Variants in ANO1 observed in about 807,000 individuals in gnomAD.
The protein encoded by ANO1 is anoctamin-1.
Under a neutral mutation model 124.0 loss-of-function variants are expected in ANO1, and 59 were observed. The observed-to-expected ratio is 0.48, with a 90% CI of 0.39 to 0.59. The LOEUF (loss-of-function observed/expected upper bound fraction) is 0.59, where lower values mean the gene tolerates loss of function less well. ANO1 is among the 20% of genes least tolerant of loss of function. The pLI is 0.00. For missense variants in ANO1, 1,059 were observed against 1,328.0 expected, an observed-to-expected ratio of 0.80 and a Z score of 3.15; for synonymous variants, 529 against 532.0, an observed-to-expected ratio of 0.99 and a Z score of 0.08.
Position 70,184,453 on chromosome 11 carries a change from G to A in ANO1, c.2589-1137G>A, listed in dbSNP as rs117538597. On this transcript the variant is annotated intron_variant, in intron 24 of 25. Coordinates refer to ENST00000355303, the MANE Select transcript of ANO1 (RefSeq NM_018043.7). ...CAGTGGCAGGACCTTGGGGAGAGGG[G>A]TGTGAGTGAGCTTGACTCTCCAAGC... is the stretch of plus-strand genomic sequence containing the variant. Among the ~76,000 whole-genome samples, 380 of 152,240 alleles carry A rather than the reference G, an allele frequency of 2.5e-3. 4 individuals carry two copies. The East Asian group carries it at 0.028, about 11-fold the overall frequency.
At chr11:70,162,882 G>A (rs998092805) in intron 18 of ANO1, among the ~76,000 whole-genome samples, 13 of 152,234 alleles carry the variant, frequency 8.5e-5, no homozygotes, top group Admixed American at 6.5e-4. Context: ...GCTGCCCAAG[G>A]TCCCCAGAGT....
intron 1 of ANO1, among the ~76,000 whole-genome samples, chr11:70,081,190 G>T (rs1276589039): frequency 6.6e-6 from 1 of 152,214 alleles, no homozygotes; most frequent in Non-Finnish European, 1.5e-5. Context: ...GATATAAGAA[G>T]AAATGACTTG....
intron 1 of ANO1, among the ~76,000 whole-genome samples, chr11:69,991,200 CAA>C (rs782471615): frequency 6.6e-6 from 1 of 152,192 alleles, no homozygotes; most frequent in East Asian, 1.9e-4. Context: ...TGTTTCAGCA[CAA>C]TTTGTTGAAA....
intron 1 of ANO1, among the ~76,000 whole-genome samples, chr11:69,990,147 C>A (rs1000772064): frequency 5.3e-5 from 8 of 152,268 alleles, no homozygotes; most frequent in Non-Finnish European, 8.8e-5. Context: ...TCCCATTCCC[C>A]ACCCCGCCCT....
At chr11:70,132,377 C>G (rs2046792361) in intron 11 of ANO1, among the ~76,000 whole-genome samples, 1 of 152,118 alleles carries the variant, frequency 6.6e-6, no homozygotes, top group South Asian at 2.1e-4. Context: ...TGAAGGGCAG[C>G]TGATTTAGAG....
intron 19 of ANO1, among the ~76,000 whole-genome samples, chr11:70,163,923 G>A: frequency 6.7e-6 from 1 of 149,390 alleles, no homozygotes; most frequent in Non-Finnish European, 1.5e-5. Context: ...GGGTGACAGA[G>A]CAAGGAACCA....
At chr11:70,097,854 G>T (rs2045071214) in intron 2 of ANO1, among the ~76,000 whole-genome samples, 1 of 152,188 alleles carries the variant, frequency 6.6e-6, no homozygotes, top group Non-Finnish European at 1.5e-5. Flanking sequence ...CCGTCCTAGG[G>T]ATACATCAGT....
chr11:70,086,716 G>T (rs1446468864), intron 1 of ANO1, among the ~76,000 whole-genome samples: 1 of 152,230 alleles, frequency 6.6e-6, no homozygotes, highest in Non-Finnish European at 1.5e-5. Context: ...AGTGGGATGT[G>T]CCCTTCAAGG....
chr11:70,049,004 T>C (rs1193876191), intron 1 of ANO1, among the ~76,000 whole-genome samples: 2 of 152,130 alleles, frequency 1.3e-5, no homozygotes, highest in African/African-American at 4.8e-5. Context: ...ACAAGCAGGA[T>C]GCGTTTTCTT....
At position 70,010,179 on chromosome 11, in the gene ANO1, G is replaced by GTATGTGTGTGTGTATATATATATATA. The variant is rs1188271051; in HGVS notation, c.58+24016_58+24017insGTGTGTGTGTATATATATATATATAT. Among the ~76,000 whole-genome samples, 182 of 83,802 alleles carry GTATGTGTGTGTGTATATATATATATA rather than the reference G, an allele frequency of 2.2e-3. 15 individuals carry two copies. Among genetic ancestry groups the GTATGTGTGTGTGTATATATATATATA allele is most frequent in the South Asian group, 0.011 (23 of 2,110 alleles). 55.0% of individuals were successfully genotyped at this position (83,802 alleles called of 152,430 possible). On this transcript the variant is annotated intron_variant, in intron 1 of 27. Transcript: ENST00000531349. Reference sequence around the variant, plus strand: ...TGTGTGTGTGTGCGCGTGTGTGTGTGTATATATATATATATATATCACATT... The same window carrying GTATGTGTGTGTGTATATATATATATA: ...TGTGTGTGTGTGCGCGTGTGTGTGTGTATGTGTGTGTGTATATATATATATATATATATATATATATATATCACATT...
At chr11:70,109,389 G>A (rs7131568) in intron 6 of ANO1, among the ~76,000 whole-genome samples, 20,664 of 152,084 alleles carry the variant, frequency 0.14, 1,496 homozygotes, top group South Asian at 0.24. Flanking sequence ...CTTGGCCCCA[G>A]ACCATATGGC....
At chr11:69,987,488 A>C (rs2120278922) in intron 1 of ANO1, among the ~76,000 whole-genome samples, 1 of 152,072 alleles carries the variant, frequency 6.6e-6, no homozygotes, top group East Asian at 1.9e-4. Flanking sequence ...ATTAGAACGG[A>C]GGCCTGTTGT....
intron 1 of ANO1, among the ~76,000 whole-genome samples, chr11:70,070,173 A>G (rs1219399383): frequency 2.6e-5 from 4 of 151,520 alleles, no homozygotes; most frequent in Non-Finnish European, 5.9e-5. Flanking sequence ...AATTCTGTGC[A>G]TTTTTCTAGG....
intron 1 of ANO1, among the ~76,000 whole-genome samples, chr11:70,006,420 C>T (rs950621112): frequency 3.3e-5 from 5 of 152,064 alleles, no homozygotes; most frequent in Non-Finnish European, 7.4e-5. Context: ...GGGGTGGGCG[C>T]GCCCAGGCTG....
At chr11:70,107,215 C>T (rs571362839) in intron 5 of ANO1, among the ~76,000 whole-genome samples, 63 of 152,188 alleles carry the variant, frequency 4.1e-4, no homozygotes, top group East Asian at 1.4e-3. Context: ...ATGTATTGGG[C>T]ACCTGCTGGG....
At chr11:70,094,798 A>G (rs1190147693) in intron 2 of ANO1, among the ~76,000 whole-genome samples, 1 of 152,208 alleles carries the variant, frequency 6.6e-6, no homozygotes, top group Non-Finnish European at 1.5e-5. Flanking sequence ...TTTGGTCCCT[A>G]AAGATTTTAT....
intron 2 of ANO1, among the ~76,000 whole-genome samples, chr11:70,091,120 C>G (rs929315161): frequency 1.1e-4 from 17 of 152,268 alleles, no homozygotes; most frequent in African/African-American, 4.1e-4. Flanking sequence ...GTGTGTGGGC[C>G]CCTGCCAGCG....
Position 70,131,949 on chromosome 11 carries a change from C to T in ANO1, c.1128C>T (p.Ile376=). The T allele has an allele frequency of 6.2e-7, 1 of 1,609,272 alleles. No individual in the cohort carries two copies. Among genetic ancestry groups the T allele is most frequent in the Non-Finnish European group, 8.5e-7 (1 of 1,179,738 alleles). Residue 376 remains isoleucine, a synonymous_variant, in exon 11 of 26, where the codon ATC becomes ATT. Coordinates refer to ENST00000355303, the MANE Select transcript of ANO1 (RefSeq NM_018043.7). ...SMEMCDQRHN[I]TMCPLCDKTC... Reference sequence around the variant, plus strand: ...AGATGTGTGACCAGAGACACAATATCACCATGTGCCCGCTTTGCGACAAGA... The same window carrying T: ...AGATGTGTGACCAGAGACACAATATTACCATGTGCCCGCTTTGCGACAAGA...
At chr11:70,103,864 G>A in intron 3 of ANO1, 135 bp from the exon 4 acceptor site, 1 of 936,960 alleles carries the variant, frequency 1.1e-6, no homozygotes, top group East Asian at 2.7e-5. Context: ...GTGCATTCTG[G>A]CCCACCCAGG....
Sources: gnomAD v4.1 joint callset for allele counts (sites outside exome capture counted in the v4.1 genomes callset) on GRCh38, gnomAD v4.1.1 for gene constraint, MANE v1.5 for transcripts, NCBI Gene and HGNC (gene_info 2026-07-23, HGNC 2026-07-21) for gene names.